C4orf36: variants seen among roughly 807,000 people sequenced by gnomAD.
C4orf36 encodes the protein chromosome 4 open reading frame 36.
A neutral mutation model predicts 12.2 loss-of-function variants in C4orf36; 11 were observed. The ratio of observed to expected loss-of-function variants is 0.90; its 90% CI spans 0.57 to 1.49. The LOEUF is 1.49. C4orf36 is among the 40% of genes most tolerant of loss of function. The pLI, the probability that C4orf36 is intolerant of heterozygous loss-of-function variation, is 0.00. For missense variants in C4orf36, 137 were observed against 133.9 expected, an observed-to-expected ratio of 1.02 and a Z score of -0.11; for synonymous variants, 54 against 51.3, an observed-to-expected ratio of 1.05 and a Z score of -0.22.
the C4orf36 span, among the ~76,000 whole-genome samples, chr4:86,912,013 A>C: frequency 6.6e-6 from 1 of 152,278 alleles, no homozygotes; most frequent in African/African-American, 2.4e-5. Context: ...GGCATGTGCC[A>C]CCACACCCAG....
At chr4:86,929,886 A>G in the C4orf36 span, among the ~76,000 whole-genome samples, 13 of 152,246 alleles carry the variant, frequency 8.5e-5, no homozygotes, top group African/African-American at 3.1e-4. Context: ...CACCATTAAC[A>G]AAAGTTGAGA....
intron 3 of C4orf36, 106 bp downstream of exon 3, chr4:86,888,015 C>G (rs1214386949): frequency 1.9e-6 from 3 of 1,540,220 alleles, no homozygotes; most frequent in Non-Finnish European, 2.6e-6. Context: ...GACAGAGCTA[C>G]AAAGATAGGA....
chr4:86,911,646 ATATT>A, the C4orf36 span, among the ~76,000 whole-genome samples: 1 of 152,068 alleles, frequency 6.6e-6, no homozygotes, highest in Non-Finnish European at 1.5e-5. Context: ...AACATGCCAG[ATATT>A]TACTTACATT....
At chr4:86,909,687 A>G in the C4orf36 span, among the ~76,000 whole-genome samples, 2 of 152,088 alleles carry the variant, frequency 1.3e-5, no homozygotes, top group Non-Finnish European at 2.9e-5. Flanking sequence ...TGAACCAACT[A>G]CACACCCTTC....
intron 4 of C4orf36, among the ~76,000 whole-genome samples, chr4:86,882,669 T>A (rs1747075218): frequency 6.6e-6 from 1 of 152,230 alleles, no homozygotes; most frequent in Non-Finnish European, 1.5e-5. Context: ...AGGCTGCTCA[T>A]GAACTGTGTC....
chr4:86,889,304 T>C (rs1747299772), intron 2 of C4orf36, among the ~76,000 whole-genome samples: 1 of 145,648 alleles, frequency 6.9e-6, no homozygotes, highest in South Asian at 2.2e-4. Context: ...TGAGCTGAGA[T>C]CATGCCACTG....
Position 86,883,998 on chromosome 4 carries a change from G to GAA in C4orf36, c.*2+3758_*2+3759dup, listed in dbSNP as rs56917645. On this transcript the variant is annotated intron_variant, in intron 4 of 4. Transcript: ENST00000295898. The stretch of plus-strand genomic sequence containing the variant: ...GAAACTTCCACTCCAGCCTGGGTGG[G>GAA]AAAAAAAAAATACCAGAAGATCCTA... 8.0e-5 allele frequency among the ~76,000 whole-genome samples: 12 copies of GAA among 150,104 alleles called. No individual in the cohort carries two copies. In the South Asian group the frequency reaches 8.4e-4, roughly 10 times the overall value.
the C4orf36 span, among the ~76,000 whole-genome samples, chr4:86,918,910 A>G: frequency 2.0e-5 from 3 of 152,084 alleles, no homozygotes; most frequent in African/African-American, 7.2e-5. Flanking sequence ...ATGACAGGCC[A>G]TCTGCAAGCT....
chr4:86,876,613 C>A, intron 4 of C4orf36, 170 bp from the exon 5 acceptor site: 1 of 1,613,838 alleles, frequency 6.2e-7, no homozygotes. Flanking sequence ...ACAGACAGTT[C>A]TTCAATGAAC....
the C4orf36 span, among the ~76,000 whole-genome samples, chr4:86,909,368 T>G: frequency 1.3e-5 from 2 of 152,300 alleles, no homozygotes; most frequent in Admixed American, 6.5e-5. Flanking sequence ...AAAGCTTCTT[T>G]GAGTGGTCTC....
chr4:86,906,479 G>C, the C4orf36 span, among the ~76,000 whole-genome samples: 1 of 152,038 alleles, frequency 6.6e-6, no homozygotes, highest in Non-Finnish European at 1.5e-5. Flanking sequence ...TGTAATCTCA[G>C]CATTTTGGGA....
chr4:86,912,507 T>C, the C4orf36 span, among the ~76,000 whole-genome samples: 1 of 152,212 alleles, frequency 6.6e-6, no homozygotes, highest in Non-Finnish European at 1.5e-5. Flanking sequence ...TGTAAGTAGC[T>C]GCACCTTCTG....
In C4orf36 at chr4:86,876,258, T is replaced by A; in HGVS notation, c.*188A>T. On this transcript the variant is annotated 3_prime_UTR_variant, in exon 5 of 5. Transcript: ENST00000295898. ...TGTTTAAAAAGAGAAACAAACTGAGTTCCACTGAAATTAAGAGATTTTCTC... is the reference window on the plus strand; with the variant it reads ...TGTTTAAAAAGAGAAACAAACTGAGATCCACTGAAATTAAGAGATTTTCTC... The A allele has an allele frequency of 1.6e-6, 1 of 617,470 alleles. No homozygotes were observed. The highest frequency in any genetic ancestry group is 3.5e-5 in the Admixed American group (1 of 28,188). 38.2% of individuals were successfully genotyped at this position (617,470 alleles called of 1,614,324 possible).
the C4orf36 span, among the ~76,000 whole-genome samples, chr4:86,923,317 C>T: frequency 6.6e-6 from 1 of 152,008 alleles, no homozygotes; most frequent in South Asian, 2.1e-4. Flanking sequence ...TCTTGAACAC[C>T]TGGGCTCAAG....
chr4:86,899,078 G>A, the C4orf36 span, among the ~76,000 whole-genome samples: 7 of 152,272 alleles, frequency 4.6e-5, no homozygotes, highest in Admixed American at 1.3e-4. Flanking sequence ...GACTGAGAGT[G>A]AGACCCTGTC....
chr4:86,893,957 C>G (rs928907839), upstream of C4orf36, among the ~76,000 whole-genome samples: 2 of 151,600 alleles, frequency 1.3e-5, no homozygotes, highest in Admixed American at 1.3e-4. Flanking sequence ...AGTGCAGTGG[C>G]GCCATCTCAG....
the C4orf36 span, among the ~76,000 whole-genome samples, chr4:86,920,991 C>A: frequency 6.6e-6 from 1 of 151,738 alleles, no homozygotes; most frequent in Non-Finnish European, 1.5e-5. Context: ...CATGGAGATA[C>A]CCCGTCTCTA....
the C4orf36 span, among the ~76,000 whole-genome samples, chr4:86,926,842 T>C: frequency 6.6e-6 from 1 of 152,228 alleles, no homozygotes; most frequent in South Asian, 2.1e-4. Context: ...GTTTTATGCA[T>C]TATCATTTCC....
the C4orf36 span, among the ~76,000 whole-genome samples, chr4:86,912,263 C>G: frequency 6.6e-6 from 1 of 152,214 alleles, no homozygotes; most frequent in African/African-American, 2.4e-5. Context: ...TCAAGTGATC[C>G]TCCTGCCTCG....
Sources: gnomAD v4.1 joint callset for allele counts (sites outside exome capture counted in the v4.1 genomes callset) on GRCh38, gnomAD v4.1.1 for gene constraint, MANE v1.5 for transcripts, NCBI Gene and HGNC (gene_info 2026-07-23, HGNC 2026-07-21) for gene names.